Variants in UST observed in about 807,000 individuals in gnomAD.
UST encodes uronyl 2-sulfotransferase.
Under a neutral mutation model 45.6 loss-of-function variants are expected in UST, and 21 were observed. The observed-to-expected ratio is 0.46, with a 90% CI of 0.33 to 0.66. UST has a LOEUF of 0.66. UST is among the 30% of genes least tolerant of loss of function. The probability of loss-of-function intolerance (pLI) is 0.02; values close to 1 mark genes in which losing one functional copy is unlikely to be tolerated. For missense variants in UST, 463 were observed against 512.4 expected (o/e 0.90, Z 0.93); for synonymous variants, 215 against 200.6 (o/e 1.07, Z -0.61).
At chr6:148,987,710 GACCC>G (rs1304853545) in intron 5 of UST, among the ~76,000 whole-genome samples, 1 of 151,956 alleles carries the variant, frequency 6.6e-6, no homozygotes, top group Non-Finnish European at 1.5e-5. Flanking sequence ...TTTGTTTCAG[GACCC>G]ACCGTGTGAC....
chr6:149,010,913 A>AAAAAAAACAAAAAAAC (rs755674810), intron 5 of UST, among the ~76,000 whole-genome samples: 2 of 92,968 alleles, frequency 2.2e-5, no homozygotes, highest in African/African-American at 8.7e-5. Flanking sequence ...AAAAAAAAAA[A>AAAAAAAACAAAAAAAC]AAAAAACTGT....
intron 7 of UST, among the ~76,000 whole-genome samples, chr6:149,058,670 T>TA (rs1415659699): frequency 6.6e-6 from 1 of 152,186 alleles, no homozygotes; most frequent in African/African-American, 2.4e-5. Context: ...ACAAACGTAA[T>TA]AAAAACACAT....
At position 148,992,859 on chromosome 6, in the gene UST, A is replaced by G. The variant is rs150269416; in HGVS notation, c.682-26280A>G. On this transcript the variant is annotated intron_variant, in intron 5 of 7. Transcript: ENST00000367463. Reference sequence around the variant, plus strand: ...AGGGAATCTTAACCTCTTTTGTGTCATGAACCTCTTTAGCAGTCTAGTGAA... The same window carrying G: ...AGGGAATCTTAACCTCTTTTGTGTCGTGAACCTCTTTAGCAGTCTAGTGAA... The G allele has an allele frequency of 9.3e-4, 310 of 333,904 alleles. 3 individuals carry two copies. Among genetic ancestry groups the G allele is most frequent in the African/African-American group, 6.4e-3 (287 of 44,762 alleles). The allele number at this position is 333,904 out of a possible 1,614,324, so 20.7% of individuals were successfully genotyped here. A position where few individuals can be genotyped will look rare whatever the true frequency, so the allele number is the denominator to read the frequency against.
intron 2 of UST, among the ~76,000 whole-genome samples, chr6:148,891,389 G>C (rs1487690186): frequency 6.6e-6 from 1 of 152,124 alleles, no homozygotes; most frequent in Non-Finnish European, 1.5e-5. Context: ...TGTTCTAACC[G>C]CCTCAAAGAT....
At chr6:148,867,877 A>G (rs1454449773) in intron 1 of UST, among the ~76,000 whole-genome samples, 1 of 152,214 alleles carries the variant, frequency 6.6e-6, no homozygotes, top group Non-Finnish European at 1.5e-5. Context: ...AAAGATGAGC[A>G]GTTTGCTGTG....
intron 1 of UST, among the ~76,000 whole-genome samples, chr6:148,796,526 A>G (rs1776950802): frequency 6.8e-6 from 1 of 147,790 alleles, no homozygotes; most frequent in African/African-American, 2.5e-5. Flanking sequence ...CAGGAAGCTG[A>G]GGCAGGAGAA....
At chr6:148,774,214 A>T (rs1487974415) in intron 1 of UST, among the ~76,000 whole-genome samples, 2 of 152,016 alleles carry the variant, frequency 1.3e-5, no homozygotes, top group African/African-American at 2.4e-5. Flanking sequence ...GAAGCGTGTG[A>T]CACGGCTATA....
intron 7 of UST, among the ~76,000 whole-genome samples, chr6:149,043,016 TTTCTTTTTC>T (rs1776344053): frequency 1.6e-5 from 1 of 63,726 alleles, no homozygotes; most frequent in African/African-American, 7.1e-5. Flanking sequence ...TCTTTCTTTC[TTTCTTTTTC>T]TTTCTTTCTT....
intron 7 of UST, among the ~76,000 whole-genome samples, chr6:149,026,951 C>T (rs907413207): frequency 1.3e-5 from 2 of 152,058 alleles, no homozygotes; most frequent in Non-Finnish European, 1.5e-5. Flanking sequence ...AAATTCCAAA[C>T]GAGTGACTTA....
chr6:149,011,079 GT>G (rs11318102), intron 5 of UST, among the ~76,000 whole-genome samples: 138,755 of 152,110 alleles, frequency 0.91, 63,705 homozygotes, highest in African/African-American at 0.98. Context: ...CTCCCAATGA[GT>G]TAAGGATATT....
At chr6:149,023,741 C>T (rs1776012829) in intron 7 of UST, among the ~76,000 whole-genome samples, 1 of 152,066 alleles carries the variant, frequency 6.6e-6, no homozygotes, top group South Asian at 2.1e-4. Flanking sequence ...TTTTTATCTT[C>T]ATGCTTTTGA....
At chr6:149,055,058 C>T (rs138463806) in intron 7 of UST, among the ~76,000 whole-genome samples, 53 of 152,132 alleles carry the variant, frequency 3.5e-4, no homozygotes, top group African/African-American at 1.2e-3. Flanking sequence ...GCTGAAAGGA[C>T]GGCAGTCAGC....
In UST at chr6:148,934,821, G is replaced by C. The variant is rs1209322959; in HGVS notation, c.292-6458G>C. ...CTAGACTGTGATTCAGTTCGTCTTA[G>C]AGTGTGGCCCAGAAATCTGCATTTT... On this transcript the variant is annotated intron_variant, in intron 2 of 7. Coordinates refer to ENST00000367463, the MANE Select transcript of UST (RefSeq NM_005715.3). The surrounding 1 kb of genome is among the most constrained non-coding windows in gnomAD (Gnocchi z 4.1). Among the ~76,000 whole-genome samples the C allele has an allele frequency of 1.3e-5, 2 of 150,938 alleles. No individual in the cohort carries two copies. The highest frequency in any genetic ancestry group is 2.9e-5 in the Non-Finnish European group (2 of 68,036).
At chr6:148,809,320 TG>T (rs986832454) in intron 1 of UST, among the ~76,000 whole-genome samples, 17 of 143,572 alleles carry the variant, frequency 1.2e-4, no homozygotes, top group East Asian at 6.8e-4. Context: ...CTTAGTTTTT[TG>T]TTTTTTTTTT....
intron 1 of UST, among the ~76,000 whole-genome samples, chr6:148,758,747 G>A (rs972449627): frequency 6.6e-6 from 1 of 152,212 alleles, no homozygotes; most frequent in African/African-American, 2.4e-5. Flanking sequence ...CCTCCAGTAG[G>A]TGTTGCGGCA....
chr6:148,847,928 C>T (rs554916771), intron 1 of UST, among the ~76,000 whole-genome samples: 47 of 152,304 alleles, frequency 3.1e-4, no homozygotes, highest in Middle Eastern at 3.4e-3. Context: ...TATAATCTCC[C>T]ACTGGACAGA....
chr6:148,762,139 G>A (rs962200793), intron 1 of UST, among the ~76,000 whole-genome samples: 22 of 152,132 alleles, frequency 1.4e-4, no homozygotes, highest in African/African-American at 4.6e-4. Flanking sequence ...TTCTTCATTC[G>A]TGCTGCGAGA....
chr6:148,876,692 C>T (rs73778930), intron 1 of UST, among the ~76,000 whole-genome samples: 18,194 of 152,036 alleles, frequency 0.12, 1,217 homozygotes, highest in African/African-American at 0.13. Context: ...ACACAGCACC[C>T]TGATCATTCA....
Position 148,747,607 on chromosome 6 carries a change from C to G in UST, c.177C>G (p.Cys59Trp). ...GCATGGCCACCCTGCTGGTCTTCTG[C>G]CTGGGCTCCCTCCTCTATCAGCTCA... The part of the protein sequence containing the change: ...GFCMATLLVF[C>W]LGSLLYQLSG... The change falls in exon 1 of 8, where the codon TGC becomes TGG. Residue 59 changes from cysteine (C) to tryptophan (W), a missense_variant. Around this residue, in one of 2 missense-constraint regions of UST, gnomAD observed 176 missense variants for 138.3 expected, o/e 1.27. Coordinates refer to ENST00000367463, the MANE Select transcript of UST (RefSeq NM_005715.3). 1 of 1,601,946 alleles carries G rather than the reference C, an allele frequency of 6.2e-7. No homozygotes were observed. Among genetic ancestry groups the G allele is most frequent in the Non-Finnish European group, 8.5e-7 (1 of 1,175,496 alleles).
Sources: gnomAD v4.1 joint callset for allele counts (sites outside exome capture counted in the v4.1 genomes callset) on GRCh38, gnomAD v4.1.1 for gene constraint, gnomAD v4.1.1 regional missense constraint, Gnocchi (gnomAD v3.1) non-coding constraint, MANE v1.5 for transcripts, NCBI Gene and HGNC (gene_info 2026-07-23, HGNC 2026-07-21) for gene names.